The following TTBK2 variants were observed in gnomAD, a reference collection of about 807,000 sequenced individuals.
The protein encoded by TTBK2 is tau tubulin kinase 2.
Under a neutral mutation model 110.8 loss-of-function variants are expected in TTBK2, and 28 were observed. The observed-to-expected ratio is 0.25, with a 90% CI of 0.19 to 0.35. The LOEUF (loss-of-function observed/expected upper bound fraction) is 0.35, where lower values mean the gene tolerates loss of function less well. Ranked by LOEUF, TTBK2 falls within the 10% of genes least tolerant of loss-of-function variation. TTBK2 has a pLI of 1.00. For synonymous variants in TTBK2, 532 were observed against 527.3 expected, an observed-to-expected ratio of 1.01 and a Z score of -0.12; for missense variants, 1,369 against 1,500.3, an observed-to-expected ratio of 0.91 and a Z score of 1.45.
At chr15:42,917,406 TTA>T (rs1301344444) in intron 1 of TTBK2, among the ~76,000 whole-genome samples, 1 of 152,120 alleles carries the variant, frequency 6.6e-6, no homozygotes, top group Non-Finnish European at 1.5e-5. Context: ...GACATTCATA[TTA>T]TGTTATAATA....
chr15:42,776,849 GATA>G (rs1889945927), intron 12 of TTBK2, 179 bp downstream of exon 12: 1 of 648,820 alleles, frequency 1.5e-6, no homozygotes, highest in Non-Finnish European at 2.6e-6. Flanking sequence ...TAAGAATCAG[GATA>G]ATAATAATTA....
At chr15:42,767,954 C>T (rs950252258) in intron 13 of TTBK2, among the ~76,000 whole-genome samples, 60 of 152,142 alleles carry the variant, frequency 3.9e-4, no homozygotes, top group Non-Finnish European at 1.6e-4. Flanking sequence ...AATGCTGGTT[C>T]AAAATATGCA....
chr15:42,802,154 C>A lies in TTBK2; in HGVS notation c.823-7353G>T, dbSNP rs551379122. ...ATCTGCTTCTCCTCCTGGGTGCGCA[C>A]GGCCTGGATGTTGGGGTCCACCTCC... is the stretch of plus-strand genomic sequence containing the variant. On this transcript the variant is annotated intron_variant, in intron 9 of 14. Transcript: ENST00000267890. 16 of 1,402,238 alleles carry A rather than the reference C, an allele frequency of 1.1e-5. No homozygotes were observed. The Admixed American group carries it at 1.7e-4, about 15-fold the overall frequency. 86.9% of individuals were successfully genotyped at this position (1,402,238 alleles called of 1,614,324 possible). A position where few individuals can be genotyped will look rare whatever the true frequency, so the allele number is the denominator to read the frequency against.
chr15:42,868,744 C>T (rs1055722890), intron 3 of TTBK2, among the ~76,000 whole-genome samples: 2 of 151,636 alleles, frequency 1.3e-5, no homozygotes, highest in African/African-American at 4.8e-5. Flanking sequence ...CACCTGTGGT[C>T]CCAGCTACTC....
Position 42,815,875 on chromosome 15 carries a change from A to AAT in TTBK2, c.603+1155_603+1156dup, listed in dbSNP as rs1325792852. 1.3e-4 allele frequency among the ~76,000 whole-genome samples: 14 copies of AAT among 111,830 alleles called. No homozygotes were observed. The East Asian group carries it at 1.3e-3, about 11-fold the overall frequency. The allele number at this position is 111,830 out of a possible 152,430, so 73.4% of individuals were successfully genotyped here. On this transcript the variant is annotated intron_variant, in intron 7 of 14. Transcript: ENST00000267890. ...CTCTCTCTCTATATATATATATTTA[A>AAT]ATATATATATATTTAAAAATATATA...
rs755411875 is a variant in TTBK2, at chr15:42,783,543, C to A, written c.1073G>T (p.Gly358Val). 3 of 1,614,132 alleles carry A rather than the reference C, an allele frequency of 1.9e-6. No individual in the cohort carries two copies. The South Asian group carries it at 3.3e-5, about 18-fold the overall frequency. Residue 358 changes from glycine to valine, a missense_variant, in exon 11 of 15, where the codon GGC becomes GTC. Physicochemically the swap from Gly to Val is moderately radical, Grantham distance 109 (BLOSUM62 -3). Around this residue, in one of 4 missense-constraint regions of TTBK2, gnomAD observed 1,097 missense variants for 1,114.7 expected, o/e 0.98. Transcript: ENST00000267890. ...ATCTGGTGACACACCAACAGGGATG[C>A]CATTTTCTCCATCGCTAAGCTGTTC... is the stretch of plus-strand genomic sequence containing the variant. The part of the protein sequence containing the change: ...PDEQLSDGEN[G>V]IPVGVSPDKL...
At chr15:42,867,256 A>AAAAAG (rs1221538351) in intron 3 of TTBK2, among the ~76,000 whole-genome samples, 4 of 151,208 alleles carry the variant, frequency 2.6e-5, no homozygotes, top group Non-Finnish European at 2.9e-5. Flanking sequence ...AAAAAAAAAA[A>AAAAAG]AAAAGAAAAG....
intron 1 of TTBK2, among the ~76,000 whole-genome samples, chr15:42,901,089 A>G (rs1483952591): frequency 6.6e-6 from 1 of 152,174 alleles, no homozygotes; most frequent in Non-Finnish European, 1.5e-5. Flanking sequence ...GGCCGGGCAC[A>G]GTGGCTCACA....
intron 1 of TTBK2, among the ~76,000 whole-genome samples, chr15:42,912,256 G>A (rs2030802108): frequency 6.6e-6 from 1 of 152,134 alleles, no homozygotes; most frequent in Non-Finnish European, 1.5e-5. Flanking sequence ...TTCAGGAGCT[G>A]GAGGATGATA....
At chr15:42,916,626 C>T (rs918916656) in intron 1 of TTBK2, among the ~76,000 whole-genome samples, 19 of 152,122 alleles carry the variant, frequency 1.2e-4, no homozygotes, top group Admixed American at 9.2e-4. Context: ...CCACCACACC[C>T]GGCTGAAAAA....
chr15:42,774,226 G>C (rs1236107435), intron 13 of TTBK2, among the ~76,000 whole-genome samples: 2 of 152,166 alleles, frequency 1.3e-5, no homozygotes, highest in Non-Finnish European at 2.9e-5. Flanking sequence ...TGGTGAGTTG[G>C]GGGAGGGGGA....
At chr15:42,816,800 T>C (rs541442875) in intron 7 of TTBK2, among the ~76,000 whole-genome samples, 1 of 151,900 alleles carries the variant, frequency 6.6e-6, no homozygotes, top group Non-Finnish European at 1.5e-5. Context: ...GCACCTGTAA[T>C]TCCAGCTACT....
chr15:42,789,158 C>T (rs1890534409), intron 10 of TTBK2, among the ~76,000 whole-genome samples: 1 of 152,078 alleles, frequency 6.6e-6, no homozygotes, highest in Non-Finnish European at 1.5e-5. Context: ...CTTGTTCATC[C>T]CACATATCTG....
intron 1 of TTBK2, among the ~76,000 whole-genome samples, chr15:42,901,233 A>G (rs4923952): frequency 0.42 from 64,015 of 151,494 alleles, 16,348 homozygotes; most frequent in African/African-American, 0.72. Flanking sequence ...GTGGTGGTGC[A>G]TGCCTGTAAT....
chr15:42,794,512 A>T, intron 10 of TTBK2, 132 bp downstream of exon 10: 1 of 1,237,998 alleles, frequency 8.1e-7, no homozygotes, highest in Non-Finnish European at 1.2e-6. Context: ...GAGCAATGTT[A>T]ATTCGAGGAG....
chr15:42,886,879 G>A (rs1043270870), intron 1 of TTBK2, among the ~76,000 whole-genome samples: 1 of 152,186 alleles, frequency 6.6e-6, no homozygotes, highest in Non-Finnish European at 1.5e-5. Context: ...CATCTGTGAG[G>A]GACGCCACTG....
rs1893177919 is a variant in TTBK2, at chr15:42,840,527, A to T, written c.218-94T>A. 3 of 1,097,550 alleles carry T rather than the reference A, an allele frequency of 2.7e-6. No individual in the cohort carries two copies. In the East Asian group the frequency reaches 7.2e-5, roughly 26 times the overall value. The allele number at this position is 1,097,550 out of a possible 1,614,324, so 68.0% of individuals were successfully genotyped here. On this transcript the variant is annotated intron_variant, in intron 3 of 14. Transcript: ENST00000267890. ...TTTCTGTATAGTGTTTTATGATTGA[A>T]TATAAAATACATCTTGAGAACCTTA...
chr15:42,893,699 C>T (rs955241782), intron 1 of TTBK2, among the ~76,000 whole-genome samples: 8 of 151,288 alleles, frequency 5.3e-5, no homozygotes, highest in African/African-American at 1.9e-4. Flanking sequence ...CAAAAGCCAG[C>T]TCTTTATAAA....
intron 9 of TTBK2, among the ~76,000 whole-genome samples, chr15:42,797,995 T>G (rs2140881798): frequency 6.6e-6 from 1 of 152,336 alleles, no homozygotes; most frequent in South Asian, 2.1e-4. Context: ...GCGACTCTCC[T>G]GCCTCAGCCT....
Sources: allele counts gnomAD v4.1 joint callset (sites outside exome capture counted in the v4.1 genomes callset), GRCh38; gene constraint gnomAD v4.1.1; regional missense constraint gnomAD v4.1.1; transcripts MANE v1.5; gene names NCBI Gene and HGNC (gene_info 2026-07-23, HGNC 2026-07-21).